The following TBL1X variants were observed in gnomAD, a reference collection of about 807,000 sequenced individuals.
TBL1X encodes transducin beta like 1 X-linked.
TBL1X carries 10 observed loss-of-function variants against 50.7 expected under a neutral mutation model. The ratio of observed to expected loss-of-function variants is 0.20; its 90% CI spans 0.12 to 0.33. The LOEUF (loss-of-function observed/expected upper bound fraction) is 0.33, where lower values mean the gene tolerates loss of function less well. Ranked by LOEUF, TBL1X falls within the 10% of genes least tolerant of loss-of-function variation. TBL1X has a pLI of 1.00. For missense variants in TBL1X, 340 were observed against 504.4 expected (o/e 0.67, Z 3.12); for synonymous variants, 190 against 214.7 (o/e 0.88, Z 1.01).
intron 3 of TBL1X, among the ~76,000 whole-genome samples, chrX:9,651,315 G>A (rs1374750226): frequency 1.8e-5 from 2 of 112,272 alleles, no homozygotes; most frequent in Non-Finnish European, 3.8e-5. Flanking sequence ...AAATTGCTGG[G>A]ATGATAGGTG....
At chrX:9,613,052 G>C (rs182215952) in intron 2 of TBL1X, among the ~76,000 whole-genome samples, 1,268 of 100,798 alleles carry the variant, frequency 0.013, 17 homozygotes, top group African/African-American at 0.044. Context: ...AAAAAAAAAA[G>C]AAAATCAAGT....
At chrX:9,541,509 C>A (rs2082214558) in intron 2 of TBL1X, among the ~76,000 whole-genome samples, 1 of 112,342 alleles carries the variant, frequency 8.9e-6, no homozygotes, top group African/African-American at 3.2e-5. Flanking sequence ...ACCAAGGAAG[C>A]TTTGCAGAGA....
At chrX:9,628,748 G>A (rs1472908815) in intron 2 of TBL1X, among the ~76,000 whole-genome samples, 10 of 111,017 alleles carry the variant, frequency 9.0e-5, no homozygotes, top group Non-Finnish European at 1.9e-4. Flanking sequence ...GGGTTTCTCC[G>A]TGTTGGCCAG....
At chrX:9,559,554 A>G (rs933537883) in intron 2 of TBL1X, among the ~76,000 whole-genome samples, 21 of 112,199 alleles carry the variant, frequency 1.9e-4, no homozygotes, top group African/African-American at 6.5e-4. Flanking sequence ...GAGCTTTAAG[A>G]TAAAGTTCTT....
chrX:9,705,738 AAAAAAG>A (rs1250840842), intron 13 of TBL1X, among the ~76,000 whole-genome samples: 9 of 110,083 alleles, frequency 8.2e-5, no homozygotes, highest in African/African-American at 1.3e-4. Flanking sequence ...AAAAAAAAAA[AAAAAAG>A]AAAAGAAATT....
intron 2 of TBL1X, among the ~76,000 whole-genome samples, chrX:9,611,518 G>T (rs17255125): frequency 0.068 from 7,605 of 112,090 alleles, 243 homozygotes; most frequent in Middle Eastern, 0.13. Flanking sequence ...TCTGTAGGCG[G>T]GGATTCCCCA....
intron 12 of TBL1X, among the ~76,000 whole-genome samples, chrX:9,698,875 T>C (rs373268285): frequency 4.4e-5 from 4 of 90,590 alleles, no homozygotes; most frequent in East Asian, 3.6e-4. Context: ...CATCCCTTTG[T>C]GCACTGGAGC....
intron 1 of TBL1X, among the ~76,000 whole-genome samples, chrX:9,500,753 G>T (rs758450483): frequency 4.5e-5 from 5 of 112,273 alleles, no homozygotes; most frequent in East Asian, 5.6e-4. Context: ...AGGGCCATGT[G>T]CCCAGAGCAT....
At chrX:9,563,747 T>C (rs1601759939) in intron 2 of TBL1X, among the ~76,000 whole-genome samples, 1 of 112,655 alleles carries the variant, frequency 8.9e-6, no homozygotes, top group East Asian at 2.8e-4. Flanking sequence ...GAAAGTTTTA[T>C]TGGACAGAAG....
At chrX:9,703,759 T>G (rs1239190430) in intron 12 of TBL1X, among the ~76,000 whole-genome samples, 2 of 112,014 alleles carry the variant, frequency 1.8e-5, no homozygotes, top group African/African-American at 6.5e-5. Flanking sequence ...CTGGGGCTGC[T>G]TGCAACATCC....
intron 2 of TBL1X, among the ~76,000 whole-genome samples, chrX:9,633,722 A>G (rs1429830901): frequency 8.9e-6 from 1 of 112,569 alleles, no homozygotes; most frequent in Non-Finnish European, 1.9e-5. Context: ...GTCTTTTAAC[A>G]GTAAAATCTC....
chrX:9,530,019 G>A (rs1296239020), intron 2 of TBL1X, among the ~76,000 whole-genome samples: 3 of 111,457 alleles, frequency 2.7e-5, no homozygotes, highest in Non-Finnish European at 1.9e-5. Context: ...CTAGAAATAC[G>A]CTGAGTGGTG....
At chrX:9,485,756 T>G (rs1488494601) in intron 1 of TBL1X, among the ~76,000 whole-genome samples, 1 of 111,675 alleles carries the variant, frequency 9.0e-6, no homozygotes, top group Non-Finnish European at 1.9e-5. Context: ...AATCCATCCT[T>G]TCTTCATCCC....
chrX:9,519,534 T>C (rs1466200408), intron 2 of TBL1X, among the ~76,000 whole-genome samples: 3 of 112,547 alleles, frequency 2.7e-5, no homozygotes, highest in Non-Finnish European at 3.8e-5. Flanking sequence ...GAAAAACATT[T>C]CTGAGGAAGT....
intron 2 of TBL1X, among the ~76,000 whole-genome samples, chrX:9,556,527 C>T (rs987263586): frequency 2.8e-5 from 3 of 108,892 alleles, no homozygotes; most frequent in African/African-American, 6.7e-5. Context: ...TGGTGGTCCA[C>T]ACCTGTAGTC....
chrX:9,488,577 T>C (rs1454317275), intron 1 of TBL1X, among the ~76,000 whole-genome samples: 2 of 112,167 alleles, frequency 1.8e-5, no homozygotes, highest in African/African-American at 6.5e-5. Context: ...TAATCACATT[T>C]GTAAAGTCCC....
chrX:9,550,558 T>C (rs767199459), intron 2 of TBL1X, among the ~76,000 whole-genome samples: 1 of 112,102 alleles, frequency 8.9e-6, no homozygotes, highest in Non-Finnish European at 1.9e-5. Flanking sequence ...ATTGACCTTT[T>C]TTGTGTGTGG....
chrX:9,639,720 TTG>T (rs1271361304), intron 2 of TBL1X: 3 of 111,206 alleles, frequency 2.7e-5, no homozygotes, highest in African/African-American at 9.8e-5. Context: ...TCTGACCCGT[TTG>T]TGTGTTTTTA....
intron 2 of TBL1X, among the ~76,000 whole-genome samples, chrX:9,638,705 T>G: frequency 8.9e-6 from 1 of 112,339 alleles, no homozygotes; most frequent in Non-Finnish European, 1.9e-5. Context: ...AATTACTTAT[T>G]GAATTATTGT....
Sources: gnomAD v4.1 joint callset for allele counts (sites outside exome capture counted in the v4.1 genomes callset) on GRCh38, gnomAD v4.1.1 for gene constraint, MANE v1.5 for transcripts, NCBI Gene and HGNC (gene_info 2026-07-23, HGNC 2026-07-21) for gene names.